ITGB2: variants seen among roughly 807,000 people sequenced by gnomAD.
ITGB2 encodes the protein integrin subunit beta 2.
In ITGB2, 56 loss-of-function variants were observed where a neutral mutation model predicts 86.8. The ratio of observed to expected loss-of-function variants is 0.65; its 90% confidence interval spans 0.52 to 0.81. The LOEUF (loss-of-function observed/expected upper bound fraction) is 0.81. Ranked by LOEUF, ITGB2 falls within the 30% of genes least tolerant of loss-of-function variation. The probability of loss-of-function intolerance (pLI) is 0.00; values close to 1 mark genes in which losing one functional copy is unlikely to be tolerated. For missense variants in ITGB2, 948 were observed against 1,061.2 expected (o/e 0.89, Z 1.48); for synonymous variants, 457 against 450.4 (o/e 1.01, Z -0.19).
chr21:44,923,243 GGAGAGACGAAGGGA>G (rs1185407030), upstream of ITGB2, among the ~76,000 whole-genome samples: 8 of 152,140 alleles, frequency 5.3e-5, no homozygotes, highest in Non-Finnish European at 1.0e-4. Flanking sequence ...CAGTACAAGA[GGAGAGACGAAGGGA>G]GAGAGACCCT....
chr21:44,890,399 G>T (rs1481303141), intron 11 of ITGB2, among the ~76,000 whole-genome samples, 177 bp from the exon 12 acceptor site: 1 of 152,242 alleles, frequency 6.6e-6, no homozygotes, highest in Non-Finnish European at 1.5e-5. Flanking sequence ...ACGTGCAGGG[G>T]CCCCGCGTTC....
At chr21:44,895,892 T>A (rs1185960398) in intron 8 of ITGB2, among the ~76,000 whole-genome samples, 2 of 141,264 alleles carry the variant, frequency 1.4e-5, no homozygotes, top group African/African-American at 5.1e-5. Context: ...ATAAATAAAA[T>A]AAAATAAAAT....
chr21:44,920,397 C>T (rs1450858365), intron 1 of ITGB2, among the ~76,000 whole-genome samples: 1 of 152,194 alleles, frequency 6.6e-6, no homozygotes, highest in Non-Finnish European at 1.5e-5. Flanking sequence ...TGTAGCCAGG[C>T]GGGGCAGCAT....
In ITGB2 at chr21:44,888,733, G is replaced by A. The variant is rs371539211; in HGVS notation, c.2040C>T (p.Asp680=). 1.2e-5 allele frequency: 19 copies of A among 1,610,988 alleles called. No individual in the cohort carries two copies. The highest frequency in any genetic ancestry group is 1.6e-4 in the Middle Eastern group (1 of 6,082). Residue 680 remains aspartate, a synonymous_variant, in exon 14 of 16, where the codon GAC becomes GAT. Transcript: ENST00000652462. ...CATAGATGAGGTAGCGGTCCATCCC[G>A]TCCTGCTGCTCCAGCGTGTAGGCCA... The part of the protein sequence containing the change: ...CWVAYTLEQQ[D]GMDRYLIYVD...
intron 3 of ITGB2, 36 bp from the exon 4 acceptor site, chr21:44,907,131 C>T (rs764289355): frequency 6.6e-7 from 1 of 1,506,768 alleles, no homozygotes; most frequent in South Asian, 1.2e-5. Context: ...GAGGGGGCCA[C>T]ACTGCGGGAC....
chr21:44,903,612 G>A (rs957640908), intron 4 of ITGB2, 77 bp from the exon 5 acceptor site: 37 of 1,563,948 alleles, frequency 2.4e-5, no homozygotes, highest in African/African-American at 2.2e-4. Context: ...GGCCCCGAGC[G>A]GGCTGTGCAC....
Position 44,889,115 on chromosome 21 carries a change from AGG to A in ITGB2, c.1877+159_1877+160del, listed in dbSNP as rs910657999. 771 of 430,412 alleles carry A rather than the reference AGG, an allele frequency of 1.8e-3. 2 individuals are homozygous for A. Among genetic ancestry groups the A allele is most frequent in the Middle Eastern group, 3.1e-3 (4 of 1,296 alleles). The allele number at this position is 430,412 out of a possible 1,614,324, so 26.7% of individuals were successfully genotyped here. ...TGCGCACAGGAGGGAGGAGGGACAC[AGG>A]GGCACGGCGGCCGCGGAGGGCCCCT... On this transcript the variant is annotated intron_variant, in intron 13 of 15. Coordinates refer to ENST00000652462, the MANE Select transcript of ITGB2 (RefSeq NM_000211.5).
chr21:44,890,330 G>A (rs1202271852), intron 11 of ITGB2, 108 bp from the exon 12 acceptor site: 42 of 1,430,560 alleles, frequency 2.9e-5, no homozygotes, highest in Non-Finnish European at 3.8e-5. Flanking sequence ...CACCCCTATG[G>A]CACATTTTGC....
intron 8 of ITGB2, among the ~76,000 whole-genome samples, chr21:44,896,887 C>T (rs1034975123): frequency 2.6e-5 from 4 of 152,248 alleles, no homozygotes; most frequent in African/African-American, 4.8e-5. Flanking sequence ...GCCACACCAT[C>T]GCCTGGAGTC....
At chr21:44,915,184 C>T (rs972061185) in intron 1 of ITGB2, among the ~76,000 whole-genome samples, 3 of 152,220 alleles carry the variant, frequency 2.0e-5, no homozygotes, top group African/African-American at 7.2e-5. Context: ...CGACCACGCC[C>T]AGCTAATTTT....
At chr21:44,926,665 G>A (rs974735350) in intron 1 of ITGB2, 1 of 152,306 alleles carries the variant, frequency 6.6e-6, no homozygotes, top group Non-Finnish European at 1.5e-5. Context: ...ACTGCTCAGG[G>A]TTTCTCATCT....
At chr21:44,900,184 G>A in intron 7 of ITGB2, 136 bp downstream of exon 7, 2 of 1,211,210 alleles carry the variant, frequency 1.7e-6, no homozygotes, top group Non-Finnish European at 2.4e-6. Flanking sequence ...GCTGCCACTT[G>A]GGGCTTCCAG....
chr21:44,901,865 G>C, intron 5 of ITGB2, 132 bp from the exon 6 acceptor site: 1 of 983,956 alleles, frequency 1.0e-6, no homozygotes, highest in Non-Finnish European at 1.5e-6. Context: ...GATGGCACAT[G>C]TGGAGTGTGT....
intron 8 of ITGB2, among the ~76,000 whole-genome samples, chr21:44,895,401 A>T (rs235331): frequency 0.21 from 32,579 of 152,016 alleles, 3,634 homozygotes; most frequent in East Asian, 0.25. Flanking sequence ...GTGGCGTCAC[A>T]TGCCTGTAGT....
At chr21:44,888,486 G>A (rs1741685328) in intron 14 of ITGB2, among the ~76,000 whole-genome samples, 1 of 152,236 alleles carries the variant, frequency 6.6e-6, no homozygotes, top group Non-Finnish European at 1.5e-5. Flanking sequence ...GGTCAGGTGA[G>A]GAGGGGAGGG....
chr21:44,889,195 T>A, intron 13 of ITGB2, 81 bp downstream of exon 13: 1 of 1,374,132 alleles, frequency 7.3e-7, no homozygotes, highest in Non-Finnish European at 1.0e-6. Context: ...CTCACTGGGG[T>A]CCCCGAGTGA....
chr21:44,886,681 A>G (rs1372451355), intron 15 of ITGB2, 55 bp downstream of exon 15: 2 of 1,609,290 alleles, frequency 1.2e-6, no homozygotes, highest in Non-Finnish European at 1.7e-6. Context: ...AGGAGGTCGC[A>G]TAGTGTGGGA....
At chr21:44,897,219 A>AT (rs2083882760) in intron 8 of ITGB2, among the ~76,000 whole-genome samples, 1 of 152,242 alleles carries the variant, frequency 6.6e-6, no homozygotes, top group Non-Finnish European at 1.5e-5. Context: ...CACGAGGTTG[A>AT]GCTTGTAGCT....
At chr21:44,890,391 G>T (rs74397353) in intron 11 of ITGB2, among the ~76,000 whole-genome samples, 169 bp from the exon 12 acceptor site, 1 of 152,194 alleles carries the variant, frequency 6.6e-6, no homozygotes, top group African/African-American at 2.4e-5. Context: ...TGCTCAAAAC[G>T]TGCAGGGGCC....
Sources: allele counts gnomAD v4.1 joint callset (sites outside exome capture counted in the v4.1 genomes callset), GRCh38; gene constraint gnomAD v4.1.1; transcripts MANE v1.5; gene names NCBI Gene and HGNC (gene_info 2026-07-23, HGNC 2026-07-21).